Variants in ENTPD5 observed in about 807,000 individuals in gnomAD.
The protein encoded by ENTPD5 is nucleoside diphosphate phosphatase ENTPD5.
Under a neutral mutation model 60.2 loss-of-function variants are expected in ENTPD5, and 49 were observed. The observed-to-expected ratio is 0.81, with a 90% CI of 0.65 to 1.03. ENTPD5 has a LOEUF of 1.03. Ranked by LOEUF, ENTPD5 falls within the 50% of genes least tolerant of loss-of-function variation. The pLI, the probability that ENTPD5 is intolerant of heterozygous loss-of-function variation, is 0.00. For missense variants in ENTPD5, 480 were observed against 507.6 expected (o/e 0.95, Z 0.52); for synonymous variants, 187 against 185.4 (o/e 1.01, Z -0.07).
At chr14:73,989,316 C>A (rs1015106940) in intron 3 of ENTPD5, among the ~76,000 whole-genome samples, 1 of 151,968 alleles carries the variant, frequency 6.6e-6, no homozygotes, top group Non-Finnish European at 1.5e-5. Flanking sequence ...AATCCCAGCA[C>A]TTTGGGAGGC....
rs747283660 is a variant in ENTPD5, at chr14:73,976,339, G to A, written c.627C>T (p.Phe209=). 2 of 1,614,046 alleles carry A rather than the reference G, an allele frequency of 1.2e-6. No homozygotes were observed. The highest frequency in any genetic ancestry group is 2.2e-5 in the East Asian group (1 of 44,888). ...AATGACTCACCTCAAACTGGGGCAG[G>A]AACGTGATTTGGGTGGAGGCTCCCC... The part of the protein sequence containing the change: ...DLGGASTQIT[F]LPQFEKTLEQ... Residue 209 remains phenylalanine, a synonymous_variant, in exon 9 of 16, where the codon TTC becomes TTT. Transcript: ENST00000334696.
chr14:73,956,790 C>G (rs545082153), downstream of ENTPD5: 1 of 151,928 alleles, frequency 6.6e-6, no homozygotes, highest in African/African-American at 2.4e-5. Flanking sequence ...TCTTAATGTT[C>G]TAGAGAGAGA....
chr14:73,956,017 T>C (rs2056413434), downstream of ENTPD5: 1 of 1,577,636 alleles, frequency 6.3e-7, no homozygotes. Flanking sequence ...CAATATTCAG[T>C]GTCCACCATA....
Position 73,990,928 on chromosome 14 carries a change from T to C in ENTPD5, c.-70-2756A>G, listed in dbSNP as rs887582393. On this transcript the variant is annotated intron_variant, in intron 3 of 15. Coordinates refer to ENST00000334696, the MANE Select transcript of ENTPD5 (RefSeq NM_001249.5). Reference sequence around the variant, plus strand: ...CCAGTAGTCCCAGCTACTCAGGAGGTTGAGACAGGAGAATTGCTTGAAACC... The same window carrying C: ...CCAGTAGTCCCAGCTACTCAGGAGGCTGAGACAGGAGAATTGCTTGAAACC... Among the ~76,000 whole-genome samples the C allele has an allele frequency of 4.0e-5, 6 of 151,494 alleles. No individual in the cohort carries two copies. In the East Asian group the frequency reaches 5.9e-4, roughly 15 times the overall value.
chr14:73,960,186 C>T (rs941015802), downstream of ENTPD5: 6 of 987,506 alleles, frequency 6.1e-6, no homozygotes, highest in Non-Finnish European at 6.0e-6. Context: ...AAAGGCCGAG[C>T]GAATTTCAGC....
chr14:73,970,440 C>G, intron 14 of ENTPD5, among the ~76,000 whole-genome samples: 1 of 150,484 alleles, frequency 6.6e-6, no homozygotes, highest in East Asian at 2.0e-4. Context: ...TGCAGTGAGC[C>G]GAGATCTCAC....
intron 6 of ENTPD5, among the ~76,000 whole-genome samples, chr14:73,978,284 A>T (rs2057526865): frequency 1.3e-5 from 2 of 151,830 alleles, no homozygotes; most frequent in Non-Finnish European, 2.9e-5. Context: ...AATGGACGTC[A>T]AATCATGTGT....
intron 3 of ENTPD5, among the ~76,000 whole-genome samples, chr14:73,992,662 C>T (rs1237209218): frequency 2.2e-5 from 3 of 135,028 alleles, no homozygotes; most frequent in African/African-American, 8.6e-5. Flanking sequence ...CCAGCCTAGG[C>T]GACGGAACAA....
At chr14:73,977,166 T>C (rs2057479375) in intron 7 of ENTPD5, 107 bp from the exon 8 acceptor site, 12 of 1,258,560 alleles carry the variant, frequency 9.5e-6, no homozygotes, top group Non-Finnish European at 1.3e-5. Flanking sequence ...CTAGAGCACA[T>C]GTTCCCTTCT....
In ENTPD5 at chr14:73,970,217, C is replaced by A. The variant is rs556942382; in HGVS notation, c.1085-92G>T. ...AGAAAGAAGTGGAATAGGGGCCAGG[C>A]GCGGTGGCTCACGCCTGTAATCCTA... is the stretch of plus-strand genomic sequence containing the variant. On this transcript the variant is annotated intron_variant, in intron 14 of 15. Coordinates refer to ENST00000334696, the MANE Select transcript of ENTPD5 (RefSeq NM_001249.5). The A allele has an allele frequency of 1.3e-5, 11 of 860,440 alleles. No homozygotes were observed. In the African/African-American group the frequency reaches 1.7e-4, roughly 13 times the overall value. The allele number at this position is 860,440 out of a possible 1,614,324, so 53.3% of individuals were successfully genotyped here.
At position 73,964,766 on chromosome 14, in the gene ENTPD5, A is replaced by G. The variant is rs1219447981; in HGVS notation, c.*2162T>C. On this transcript the variant is annotated 3_prime_UTR_variant, in exon 16 of 16. Coordinates refer to ENST00000334696, the MANE Select transcript of ENTPD5 (RefSeq NM_001249.5). The stretch of plus-strand genomic sequence containing the variant: ...TCACTTATAAAAGAACTTGGGAGGA[A>G]CTTTTTTCAAAAGATCCAAAGATTT... 1 of 152,070 alleles carries G rather than the reference A, an allele frequency of 6.6e-6. No homozygotes were observed. Among genetic ancestry groups the G allele is most frequent in the Non-Finnish European group, 1.5e-5 (1 of 68,026 alleles). The allele number at this position is 152,070 out of a possible 1,614,324, so 9.4% of individuals were successfully genotyped here.
chr14:73,986,988 G>A, intron 4 of ENTPD5, 95 bp from the exon 5 acceptor site: 1 of 915,668 alleles, frequency 1.1e-6, no homozygotes, highest in Non-Finnish European at 1.8e-6. Context: ...GTTTTCCTAT[G>A]ACTTCCCTGA....
intron 2 of ENTPD5, among the ~76,000 whole-genome samples, chr14:74,012,061 T>C (rs2058861628): frequency 6.6e-6 from 1 of 152,196 alleles, no homozygotes; most frequent in Non-Finnish European, 1.5e-5. Flanking sequence ...GCAACCCATG[T>C]TATAAATTCT....
chr14:74,017,870 G>A (rs2059091745), intron 1 of ENTPD5, among the ~76,000 whole-genome samples: 2 of 149,418 alleles, frequency 1.3e-5, no homozygotes, highest in African/African-American at 5.0e-5. Flanking sequence ...GGCAACAAGA[G>A]CAAAACTCTT....
rs1230664333 is a variant in ENTPD5, at chr14:73,974,974, A to G, written c.734T>C (p.Phe245Ser). 6.2e-7 allele frequency: 1 copy of G among 1,613,148 alleles called. No individual in the cohort carries two copies. Among genetic ancestry groups the G allele is most frequent in the Admixed American group, 1.7e-5 (1 of 59,952 alleles). The change falls in exon 11 of 16, where the codon TTT (phenylalanine) becomes TCT (serine). Residue 245 changes from phenylalanine to serine, a missense_variant. Phe to Ser is a radical substitution (Grantham distance 155). Transcript: ENST00000334696. ...YKLYTHSYLG[F>S]GLKAARLATL... ...TGCTAGTCTTGCAGCTTTCAATCCA[A>G]ATCCCAGGTAACTGTAAAATACAGG...
At chr14:74,019,211 A>G (rs1191793125) in intron 1 of ENTPD5, 39 bp downstream of exon 1, 1 of 161,356 alleles carries the variant, frequency 6.2e-6, no homozygotes, top group African/African-American at 2.4e-5. Context: ...CCCGGGCCCC[A>G]CGTAGAGGAT....
chr14:73,986,627 T>G lies in ENTPD5; in HGVS notation c.297+187A>C. 5.2e-6 allele frequency: 3 copies of G among 579,244 alleles called. No individual in the cohort carries two copies. In the South Asian group the frequency reaches 6.8e-5, roughly 13 times the overall value. The allele number at this position is 579,244 out of a possible 1,614,324, so 35.9% of individuals were successfully genotyped here. On this transcript the variant is annotated intron_variant, in intron 5 of 15. Coordinates refer to ENST00000334696, the MANE Select transcript of ENTPD5 (RefSeq NM_001249.5). ...TACCACAACCAATTTTCTAGCCTTC[T>G]TCCACCCAGCCCTCATGAGCGTGGG...
Position 73,983,290 on chromosome 14 carries a change from T to C in ENTPD5, c.298-129A>G, listed in dbSNP as rs1346749755. On this transcript the variant is annotated intron_variant, in intron 5 of 15. Transcript: ENST00000334696. ...ATAGGGCTCCAACCTCTCTCTGCTC[T>C]GTAGCAGGAGAAACCTAGAGAAGTG... 1.8e-5 allele frequency: 17 copies of C among 946,692 alleles called. 1 individual carries two copies. The highest frequency in any genetic ancestry group is 2.2e-5 in the South Asian group (1 of 44,954). 58.6% of individuals were successfully genotyped at this position (946,692 alleles called of 1,614,324 possible).
At chr14:74,011,839 T>C (rs1044838300) in intron 2 of ENTPD5, among the ~76,000 whole-genome samples, 1 of 152,064 alleles carries the variant, frequency 6.6e-6, no homozygotes, top group Admixed American at 6.6e-5. Flanking sequence ...TGCACGAGTA[T>C]GTGGTTAAAA....
Sources: gnomAD v4.1 joint callset for allele counts (sites outside exome capture counted in the v4.1 genomes callset) on GRCh38, gnomAD v4.1.1 for gene constraint, MANE v1.5 for transcripts, NCBI Gene and HGNC (gene_info 2026-07-23, HGNC 2026-07-21) for gene names.